Variants in COL24A1 observed in about 807,000 individuals in gnomAD.
COL24A1 encodes collagen alpha-1(XXIV) chain.
COL24A1 carries 224 observed loss-of-function variants against 253.9 expected under a neutral mutation model. The observed-to-expected ratio is 0.88, with a 90% CI of 0.79 to 0.99. COL24A1 has a LOEUF of 0.99. Ranked by LOEUF, COL24A1 falls within the 50% of genes least tolerant of loss-of-function variation. The pLI is 0.00. For synonymous variants in COL24A1, 685 were observed against 673.7 expected (o/e 1.02, Z -0.26); for missense variants, 2,131 against 2,068.5 (o/e 1.03, Z -0.59).
intron 2 of COL24A1, among the ~76,000 whole-genome samples, chr1:86,145,304 G>T (rs1172855774): frequency 1.3e-5 from 2 of 151,978 alleles, no homozygotes; most frequent in African/African-American, 4.8e-5. Flanking sequence ...TTAATGCTTT[G>T]GCAGCTCTGT....
intron 57 of COL24A1, among the ~76,000 whole-genome samples, chr1:85,741,799 TC>T (rs1390527075): frequency 6.6e-6 from 1 of 152,222 alleles, no homozygotes; most frequent in Non-Finnish European, 1.5e-5. Flanking sequence ...AATGAAAAGT[TC>T]CTAGCATTAT....
At chr1:85,875,827 T>G (rs1319401516) in intron 33 of COL24A1, among the ~76,000 whole-genome samples, 5 of 151,804 alleles carry the variant, frequency 3.3e-5, no homozygotes, top group African/African-American at 1.2e-4. Flanking sequence ...GCTTTCAGTT[T>G]TCTTTACTTT....
At chr1:85,782,412 CTTTAAG>C (rs1669233748) in intron 51 of COL24A1, among the ~76,000 whole-genome samples, 5 of 152,064 alleles carry the variant, frequency 3.3e-5, no homozygotes, top group Admixed American at 1.3e-4. Context: ...TAAAATTATA[CTTTAAG>C]TTTTAGGGTA....
chr1:86,063,826 G>A (rs1049835891), intron 7 of COL24A1, 67 bp from the exon 8 acceptor site: 1 of 1,216,744 alleles, frequency 8.2e-7, no homozygotes, highest in South Asian at 2.4e-5. Context: ...ACGAAACATA[G>A]GTTGCAAGTT....
At chr1:85,797,112 C>G (rs1278587845) in intron 47 of COL24A1, among the ~76,000 whole-genome samples, 2 of 143,630 alleles carry the variant, frequency 1.4e-5, no homozygotes, top group African/African-American at 5.2e-5. Context: ...GAGGCTGACG[C>G]AGGAGAATGG....
At chr1:85,797,089 C>A (rs1670896406) in intron 47 of COL24A1, among the ~76,000 whole-genome samples, 1 of 151,350 alleles carries the variant, frequency 6.6e-6, no homozygotes, top group African/African-American at 2.4e-5. Context: ...CGCCTGTAGT[C>A]CCAGCTACTC....
At chr1:85,800,194 T>C (rs1029296093) in intron 47 of COL24A1, among the ~76,000 whole-genome samples, 1 of 152,222 alleles carries the variant, frequency 6.6e-6, no homozygotes, top group Non-Finnish European at 1.5e-5. Context: ...CTGATGAGCA[T>C]TTAAATGTCA....
At chr1:85,754,459 G>A (rs1665971070) in intron 55 of COL24A1, among the ~76,000 whole-genome samples, 1 of 99,148 alleles carries the variant, frequency 1.0e-5, no homozygotes, top group African/African-American at 4.0e-5. Context: ...AGTGGGTGCA[G>A]CGCACCAGCA....
At chr1:86,118,127 A>C (rs914365997) in intron 3 of COL24A1, among the ~76,000 whole-genome samples, 4 of 149,268 alleles carry the variant, frequency 2.7e-5, no homozygotes, top group African/African-American at 9.9e-5. Flanking sequence ...TAGTGGCGTG[A>C]TCTCGGCTCA....
At chr1:86,095,604 T>C (rs1392582175) in intron 5 of COL24A1, among the ~76,000 whole-genome samples, 1 of 152,114 alleles carries the variant, frequency 6.6e-6, no homozygotes, top group Non-Finnish European at 1.5e-5. Flanking sequence ...CCTCATTTTG[T>C]ATCAACTGTT....
At chr1:86,073,357 G>A (rs961503966) in intron 7 of COL24A1, among the ~76,000 whole-genome samples, 2 of 151,936 alleles carry the variant, frequency 1.3e-5, no homozygotes, top group African/African-American at 4.8e-5. Context: ...AACCAATCAA[G>A]CAAAAGAGGA....
intron 52 of COL24A1, among the ~76,000 whole-genome samples, chr1:85,776,311 A>T (rs1333895041): frequency 1.3e-5 from 2 of 151,998 alleles, no homozygotes; most frequent in Admixed American, 1.3e-4. Flanking sequence ...ACCTTCTATG[A>T]CCTCAGTTCT....
chr1:85,868,472 G>A (rs559005994), intron 37 of COL24A1, 47 bp downstream of exon 37: 4 of 1,342,036 alleles, frequency 3.0e-6, no homozygotes, highest in African/African-American at 2.9e-5. Flanking sequence ...TACACATACA[G>A]GCAGTGAATT....
chr1:85,768,755 A>G (rs1667650929), intron 53 of COL24A1, among the ~76,000 whole-genome samples: 1 of 152,174 alleles, frequency 6.6e-6, no homozygotes, highest in South Asian at 2.1e-4. Context: ...TTACCTTGCA[A>G]AATGATCTTT....
intron 8 of COL24A1, among the ~76,000 whole-genome samples, chr1:86,060,171 G>C (rs1053078214): frequency 6.6e-6 from 1 of 152,036 alleles, no homozygotes; most frequent in East Asian, 1.9e-4. Context: ...GAAAAAGTGA[G>C]ACAAAATATT....
chr1:86,011,773 A>G (rs1696501336), intron 19 of COL24A1, among the ~76,000 whole-genome samples: 1 of 152,232 alleles, frequency 6.6e-6, no homozygotes, highest in Non-Finnish European at 1.5e-5. Flanking sequence ...GATAATTTCC[A>G]TGCAGAGAAC....
chr1:86,137,185 C>T (rs1650382703), intron 2 of COL24A1, among the ~76,000 whole-genome samples: 1 of 151,806 alleles, frequency 6.6e-6, no homozygotes, highest in South Asian at 2.1e-4. Context: ...TGTGAGTGGC[C>T]CTATATAAAA....
intron 53 of COL24A1, among the ~76,000 whole-genome samples, chr1:85,764,555 A>C (rs1667170776): frequency 6.6e-6 from 1 of 151,522 alleles, no homozygotes; most frequent in Non-Finnish European, 1.5e-5. Context: ...AAGGCACTAT[A>C]ATTTATAGAA....
chr1:85,784,314 C>T lies in COL24A1; in HGVS notation c.4112G>A (p.Arg1371Gln), dbSNP rs374842121. 46 of 1,614,062 alleles carry T rather than the reference C, an allele frequency of 2.8e-5. No homozygotes were observed. The African/African-American group carries it at 3.5e-4, about 12-fold the overall frequency. ...QPGIQGKRGH[R>Q]GAQGDQGPCG... ...TGGTCCTTGATCACCTTGTGCTCCTCGGTGACCTCTTTTACCTTGAATTCC... is the reference window on the plus strand; with the variant it reads ...TGGTCCTTGATCACCTTGTGCTCCTTGGTGACCTCTTTTACCTTGAATTCC... The change falls in exon 49 of 60, where the codon CGA becomes CAA. Residue 1371 changes from arginine to glutamine, a missense_variant. Transcript: ENST00000370571.
Sources: gnomAD v4.1 joint callset for allele counts (sites outside exome capture counted in the v4.1 genomes callset) on GRCh38, gnomAD v4.1.1 for gene constraint, MANE v1.5 for transcripts, NCBI Gene and HGNC (gene_info 2026-07-23, HGNC 2026-07-21) for gene names.